MAGI2: variants seen among roughly 807,000 people sequenced by gnomAD.
MAGI2 encodes membrane-associated guanylate kinase, WW and PDZ domain-containing protein 2.
MAGI2 carries 35 observed loss-of-function variants against 133.3 expected under a neutral mutation model. The observed-to-expected ratio is 0.26, with a 90% CI of 0.20 to 0.35. MAGI2 has a LOEUF of 0.35. MAGI2 is among the 10% of genes least tolerant of loss of function. The pLI is 1.00. For missense variants in MAGI2, 1,636 were observed against 1,863.4 expected (o/e 0.88, Z 2.25); for synonymous variants, 729 against 710.6 (o/e 1.03, Z -0.41).
At chr7:78,859,178 A>G (rs1793934397) in intron 2 of MAGI2, among the ~76,000 whole-genome samples, 1 of 151,854 alleles carries the variant, frequency 6.6e-6, no homozygotes, top group Non-Finnish European at 1.5e-5. Context: ...ACTGATGGGT[A>G]TTCACTCTTT....
At chr7:78,224,934 C>A (rs929859964) in intron 10 of MAGI2, among the ~76,000 whole-genome samples, 2 of 152,206 alleles carry the variant, frequency 1.3e-5, no homozygotes, top group East Asian at 3.9e-4. Context: ...TCATTCCCAG[C>A]AGAGAAATAG....
intron 20 of MAGI2, among the ~76,000 whole-genome samples, chr7:78,095,795 G>A (rs889719547): frequency 6.6e-6 from 1 of 152,178 alleles, no homozygotes; most frequent in African/African-American, 2.4e-5. Flanking sequence ...TAAATAAAAT[G>A]TGAGGAACTT....
intron 20 of MAGI2, among the ~76,000 whole-genome samples, chr7:78,121,255 C>G (rs1820451387): frequency 1.4e-5 from 2 of 147,850 alleles, no homozygotes; most frequent in Admixed American, 6.7e-5. Context: ...AGGGTTAAGC[C>G]AATTACGCTA....
chr7:78,855,174 G>A (rs748620977), intron 2 of MAGI2, among the ~76,000 whole-genome samples: 8 of 151,952 alleles, frequency 5.3e-5, no homozygotes, highest in Non-Finnish European at 1.0e-4. Context: ...AGCTCACTGC[G>A]GCCTCCTGGG....
intron 5 of MAGI2, among the ~76,000 whole-genome samples, chr7:78,499,802 G>A (rs1397069522): frequency 2.0e-5 from 3 of 151,858 alleles, no homozygotes; most frequent in South Asian, 2.1e-4. Context: ...TCCTTATTCC[G>A]AACATCAATT....
At chr7:79,304,146 C>A (rs1231160724) in intron 1 of MAGI2, among the ~76,000 whole-genome samples, 1 of 144,290 alleles carries the variant, frequency 6.9e-6, no homozygotes, top group East Asian at 2.1e-4. Flanking sequence ...AATTAACTGG[C>A]AGGTGAGTTT....
intron 14 of MAGI2, among the ~76,000 whole-genome samples, chr7:78,171,417 C>T (rs1826096915): frequency 6.6e-6 from 1 of 152,130 alleles, no homozygotes; most frequent in African/African-American, 2.4e-5. Flanking sequence ...CTGGACCCAC[C>T]CCATGAGAGT....
chr7:78,475,865 T>C (rs1313548031), intron 6 of MAGI2, among the ~76,000 whole-genome samples: 2 of 151,792 alleles, frequency 1.3e-5, no homozygotes, highest in Non-Finnish European at 2.9e-5. Context: ...AGCCCATCTT[T>C]AAAATTCTGC....
intron 20 of MAGI2, among the ~76,000 whole-genome samples, chr7:78,108,202 T>A (rs1180061008): frequency 2.0e-5 from 3 of 152,202 alleles, no homozygotes; most frequent in African/African-American, 7.2e-5. Context: ...AGAAATTTTT[T>A]AATTTTCTTA....
intron 2 of MAGI2, among the ~76,000 whole-genome samples, chr7:78,763,158 A>G (rs1474526197): frequency 6.6e-6 from 1 of 152,210 alleles, no homozygotes; most frequent in Admixed American, 6.5e-5. Context: ...TTTAATACCA[A>G]TTTCTTTGCT....
intron 1 of MAGI2, among the ~76,000 whole-genome samples, chr7:79,291,393 T>C (rs1836473684): frequency 6.6e-6 from 1 of 152,172 alleles, no homozygotes; most frequent in African/African-American, 2.4e-5. Flanking sequence ...CAAGTTTCTG[T>C]GTGGACATAT....
At chr7:78,285,748 G>C (rs1357717749) in intron 9 of MAGI2, 1 of 152,094 alleles carries the variant, frequency 6.6e-6, no homozygotes, top group Non-Finnish European at 1.5e-5. Context: ...CAGGACATCT[G>C]CGTGGGGTCC....
intron 6 of MAGI2, among the ~76,000 whole-genome samples, chr7:78,432,776 G>T (rs909524890): frequency 1.3e-5 from 2 of 151,788 alleles, no homozygotes; most frequent in Non-Finnish European, 2.9e-5. Context: ...ATTATACAAA[G>T]AAATGGACTG....
At chr7:79,446,064 G>C (rs2129202404) in intron 1 of MAGI2, among the ~76,000 whole-genome samples, 1 of 152,222 alleles carries the variant, frequency 6.6e-6, no homozygotes, top group Non-Finnish European at 1.5e-5. Flanking sequence ...ATTATCACAA[G>C]GACAAAATAC....
chr7:79,153,477 A>T (rs1222372675), intron 1 of MAGI2, among the ~76,000 whole-genome samples: 1 of 152,198 alleles, frequency 6.6e-6, no homozygotes, highest in Non-Finnish European at 1.5e-5. Flanking sequence ...CACATAGCAG[A>T]CTGGGCAGGG....
chr7:78,440,148 C>T (rs1478521412), intron 6 of MAGI2, among the ~76,000 whole-genome samples: 1 of 151,720 alleles, frequency 6.6e-6, no homozygotes, highest in Non-Finnish European at 1.5e-5. Context: ...ATCAGACAGC[C>T]CTGCCATAGA....
At chr7:78,127,133 T>A (rs1821063142) in intron 19 of MAGI2, 64 bp downstream of exon 19, 3 of 1,285,118 alleles carry the variant, frequency 2.3e-6, no homozygotes. Context: ...CCTCTCCTAT[T>A]TCATTCCTTG....
At chr7:78,627,063 T>C in intron 3 of MAGI2, 57 bp downstream of exon 3, 1 of 1,507,604 alleles carries the variant, frequency 6.6e-7, no homozygotes, top group East Asian at 2.5e-5. Flanking sequence ...TGCATTTCCA[T>C]CGAATGAGAA....
At chr7:79,447,156 T>C (rs1018939050) in intron 1 of MAGI2, among the ~76,000 whole-genome samples, 1 of 152,200 alleles carries the variant, frequency 6.6e-6, no homozygotes. Flanking sequence ...TTGACAAAGA[T>C]GTCAGTAAGA....
Sources: allele counts gnomAD v4.1 joint callset (sites outside exome capture counted in the v4.1 genomes callset), GRCh38; gene constraint gnomAD v4.1.1; transcripts MANE v1.5; gene names NCBI Gene and HGNC (gene_info 2026-07-23, HGNC 2026-07-21).